Variants in RUNX2 observed in about 807,000 individuals in gnomAD.
The protein encoded by RUNX2 is RUNX family transcription factor 2, also known as runt-related transcription factor 2.
A neutral mutation model predicts 51.7 loss-of-function variants in RUNX2; 10 were observed. That is an observed-to-expected ratio of 0.19 (90% confidence interval 0.12 to 0.33). The LOEUF (loss-of-function observed/expected upper bound fraction) is 0.33, where lower values mean the gene tolerates loss of function less well. Ranked by LOEUF, RUNX2 falls within the 10% of genes least tolerant of loss-of-function variation. The pLI, the probability that RUNX2 is intolerant of heterozygous loss-of-function variation, is 1.00. For synonymous variants in RUNX2, 276 were observed against 273.6 expected (o/e 1.01, Z -0.09); for missense variants, 562 against 691.3 (o/e 0.81, Z 2.10).
intron 2 of RUNX2, among the ~76,000 whole-genome samples, chr6:45,334,198 C>T (rs1788080479): frequency 6.6e-6 from 1 of 151,034 alleles, no homozygotes; most frequent in Admixed American, 6.6e-5. Flanking sequence ...AAATAATTTT[C>T]ACCACAAAGT....
At chr6:45,508,633 C>A (rs1276346143) in intron 6 of RUNX2, among the ~76,000 whole-genome samples, 1 of 152,092 alleles carries the variant, frequency 6.6e-6, no homozygotes, top group African/African-American at 2.4e-5. Context: ...CTCTGAGAGA[C>A]AAAAAGACAA....
At position 45,549,590 on chromosome 6, in the gene RUNX2, T is replaced by C. The variant is rs912454732; in HGVS notation, c.*2285T>C. ...AAGCACACCACTGTCCATTTATTTGTAAGTGTAAAATATGTGTGTTTGTTT... is the reference window on the plus strand; with the variant it reads ...AAGCACACCACTGTCCATTTATTTGCAAGTGTAAAATATGTGTGTTTGTTT... On this transcript the variant is annotated 3_prime_UTR_variant, in exon 9 of 9. Coordinates refer to ENST00000647337, the MANE Select transcript of RUNX2 (RefSeq NM_001024630.4). 5.1e-6 allele frequency: 2 copies of C among 389,254 alleles called. No individual in the cohort carries two copies. Among genetic ancestry groups the C allele is most frequent in the Non-Finnish European group, 9.1e-6 (2 of 220,496 alleles). 24.1% of individuals were successfully genotyped at this position (389,254 alleles called of 1,614,324 possible).
chr6:45,413,852 G>A (rs545658113), intron 2 of RUNX2, among the ~76,000 whole-genome samples: 1 of 152,300 alleles, frequency 6.6e-6, no homozygotes, highest in East Asian at 1.9e-4. Context: ...CACTCGGTAA[G>A]TTCTCAATAC....
intron 2 of RUNX2, among the ~76,000 whole-genome samples, chr6:45,413,190 A>G (rs764693679): frequency 6.6e-6 from 1 of 152,202 alleles, no homozygotes; most frequent in African/African-American, 2.4e-5. Context: ...ATGTGTTTGC[A>G]ATGTATTTAA....
chr6:45,503,967 A>T (rs1291773235), intron 6 of RUNX2, among the ~76,000 whole-genome samples: 1 of 152,156 alleles, frequency 6.6e-6, no homozygotes, highest in Non-Finnish European at 1.5e-5. Context: ...TTTGTGTTGT[A>T]ATATAACCTA....
At chr6:45,384,243 T>C (rs2065142810) in intron 2 of RUNX2, among the ~76,000 whole-genome samples, 1 of 152,128 alleles carries the variant, frequency 6.6e-6, no homozygotes, top group Non-Finnish European at 1.5e-5. Flanking sequence ...TATTATTGTT[T>C]TCCAGGGGTG....
intron 8 of RUNX2, among the ~76,000 whole-genome samples, chr6:45,545,849 TTCATAACTTAGGCA>T (rs941505025): frequency 1.3e-5 from 2 of 152,194 alleles, no homozygotes; most frequent in Admixed American, 6.5e-5. Context: ...TAACGGTGGT[TTCATAACTTAGGCA>T]CCAGAAACAT....
At chr6:45,499,766 A>G (rs969028269) in intron 6 of RUNX2, among the ~76,000 whole-genome samples, 5 of 152,204 alleles carry the variant, frequency 3.3e-5, no homozygotes, top group African/African-American at 1.2e-4. Flanking sequence ...CATCTCCTAT[A>G]TAATGCCTCA....
chr6:45,428,565 C>A (rs544540737), intron 3 of RUNX2, among the ~76,000 whole-genome samples: 23 of 152,210 alleles, frequency 1.5e-4, no homozygotes, highest in African/African-American at 5.5e-4. Flanking sequence ...CTCTCAGCCT[C>A]ATAGAAGGCT....
intron 5 of RUNX2, among the ~76,000 whole-genome samples, chr6:45,461,716 G>A (rs998876988): frequency 4.0e-5 from 6 of 151,794 alleles, no homozygotes; most frequent in Admixed American, 1.3e-4. Flanking sequence ...GGAAATGTGT[G>A]GGAGGAAGCC....
At chr6:45,365,725 T>C (rs1404185616) in intron 2 of RUNX2, among the ~76,000 whole-genome samples, 1 of 149,702 alleles carries the variant, frequency 6.7e-6, no homozygotes, top group Non-Finnish European at 1.5e-5. Flanking sequence ...AACCCTGATT[T>C]TTCTAGTTGA....
intron 7 of RUNX2, among the ~76,000 whole-genome samples, chr6:45,531,749 C>T (rs1801852978): frequency 6.8e-6 from 1 of 147,294 alleles, no homozygotes; most frequent in Non-Finnish European, 1.5e-5. Context: ...GAGATTCTGT[C>T]TAAAAAAAAA....
chr6:45,418,645 G>A (rs1350352877), intron 2 of RUNX2, among the ~76,000 whole-genome samples: 1 of 152,176 alleles, frequency 6.6e-6, no homozygotes, highest in Admixed American at 6.5e-5. Flanking sequence ...CTGTAAAAAT[G>A]TTTTCTTTCT....
chr6:45,411,169 A>C (rs958315550), intron 2 of RUNX2, among the ~76,000 whole-genome samples: 4 of 152,230 alleles, frequency 2.6e-5, no homozygotes, highest in African/African-American at 9.6e-5. Context: ...CTCATATTAA[A>C]ATTTTCAAGA....
intron 7 of RUNX2, among the ~76,000 whole-genome samples, chr6:45,541,816 A>G (rs570278609): frequency 3.1e-4 from 47 of 152,340 alleles, no homozygotes; most frequent in Admixed American, 2.2e-3. Context: ...GACAGCCCCA[A>G]TGGCAAGTAC....
At chr6:45,374,269 T>C (rs975262471) in intron 2 of RUNX2, among the ~76,000 whole-genome samples, 3 of 152,198 alleles carry the variant, frequency 2.0e-5, no homozygotes, top group African/African-American at 4.8e-5. Flanking sequence ...AGAACATTAT[T>C]ATCACTTCTA....
intron 3 of RUNX2, among the ~76,000 whole-genome samples, chr6:45,426,216 A>G (rs1395232941): frequency 6.6e-6 from 1 of 152,214 alleles, no homozygotes; most frequent in Non-Finnish European, 1.5e-5. Flanking sequence ...TATTTTTAAC[A>G]AAGTTCTGCA....
intron 2 of RUNX2, among the ~76,000 whole-genome samples, chr6:45,371,399 T>C (rs1003876836): frequency 6.6e-6 from 1 of 151,782 alleles, no homozygotes; most frequent in Admixed American, 6.6e-5. Context: ...GCTCACTTTT[T>C]TTTTTTTTTT....
At chr6:45,342,144 G>A (rs745960879) in intron 2 of RUNX2, among the ~76,000 whole-genome samples, 1 of 152,080 alleles carries the variant, frequency 6.6e-6, no homozygotes, top group African/African-American at 2.4e-5. Flanking sequence ...AATGGTTGAT[G>A]GTGCCAATGA....
Sources: gnomAD v4.1 joint callset for allele counts (sites outside exome capture counted in the v4.1 genomes callset) on GRCh38, gnomAD v4.1.1 for gene constraint, MANE v1.5 for transcripts, NCBI Gene and HGNC (gene_info 2026-07-23, HGNC 2026-07-21) for gene names.